The following DSCAML1 variants were observed in gnomAD, a reference collection of about 807,000 sequenced individuals.
DSCAML1 encodes cell adhesion molecule DSCAML1.
Under a neutral mutation model 200.5 loss-of-function variants are expected in DSCAML1, and 38 were observed. That is an observed-to-expected ratio of 0.19 (90% CI 0.15 to 0.25). DSCAML1 has a LOEUF of 0.25. Among genes scored for constraint, DSCAML1 ranks in the 10% least tolerant of loss-of-function variants. The pLI is 1.00. For synonymous variants in DSCAML1, 1,215 were observed against 1,165.0 expected, an observed-to-expected ratio of 1.04 and a Z score of -0.87; for missense variants, 2,223 against 2,858.8, an observed-to-expected ratio of 0.78 and a Z score of 5.07.
chr11:117,475,436 T>C (rs1260006429), intron 14 of DSCAML1, among the ~76,000 whole-genome samples: 1 of 152,168 alleles, frequency 6.6e-6, no homozygotes, highest in Non-Finnish European at 1.5e-5. Flanking sequence ...CAGCCTTATC[T>C]TTCTCTATTC....
intron 3 of DSCAML1, among the ~76,000 whole-genome samples, chr11:117,593,066 C>T (rs1043500329): frequency 1.3e-5 from 2 of 152,274 alleles, no homozygotes; most frequent in African/African-American, 4.8e-5. Context: ...GTTCCTGGCA[C>T]TTACGGGGCA....
At chr11:117,433,838 A>G (rs190321735) in intron 27 of DSCAML1, among the ~76,000 whole-genome samples, 10 of 152,326 alleles carry the variant, frequency 6.6e-5, no homozygotes, top group Admixed American at 2.0e-4. Context: ...ATCTTCAGTT[A>G]TATCTTGTGG....
chr11:117,800,300 G>A (rs965745540), upstream of DSCAML1, among the ~76,000 whole-genome samples: 5 of 152,138 alleles, frequency 3.3e-5, no homozygotes, highest in African/African-American at 7.2e-5. Flanking sequence ...TCTACCCCAC[G>A]CCCACCTTAA....
chr11:117,535,487 C>T (rs1295129300), intron 3 of DSCAML1, among the ~76,000 whole-genome samples: 1 of 152,206 alleles, frequency 6.6e-6, no homozygotes, highest in Non-Finnish European at 1.5e-5. Context: ...TAGGCAGACC[C>T]CCACTCGGGG....
At chr11:117,723,520 G>A (rs2054073577) in intron 3 of DSCAML1, among the ~76,000 whole-genome samples, 1 of 152,164 alleles carries the variant, frequency 6.6e-6, no homozygotes, top group Non-Finnish European at 1.5e-5. Context: ...CAAAAAAAGA[G>A]AGGTTTGCTC....
Position 117,450,562 on chromosome 11 carries a change from C to T in DSCAML1, c.3695G>A (p.Gly1232Glu). The T allele has an allele frequency of 6.2e-7, 1 of 1,614,058 alleles. No individual in the cohort carries two copies. Among genetic ancestry groups the T allele is most frequent in the Non-Finnish European group, 8.5e-7 (1 of 1,179,980 alleles). ...GAACTCACTTACCGGCTGGCCAGACCCGGGGCTGGAACAGAAGATGGTGTA... is the reference window on the plus strand; with the variant it reads ...GAACTCACTTACCGGCTGGCCAGACTCGGGGCTGGAACAGAAGATGGTGTA... ...RKYTIFCSSP[G>E]SGQPAPSEYE... The change falls in exon 20 of 33, where the codon GGG becomes GAG. Residue 1232 changes from glycine (G) to glutamate (E), a missense_variant. Transcript: ENST00000651296.
intron 3 of DSCAML1, among the ~76,000 whole-genome samples, chr11:117,721,211 G>A (rs756000834): frequency 1.5e-4 from 23 of 152,212 alleles, no homozygotes; most frequent in Non-Finnish European, 2.9e-4. Context: ...AACAAGTCAT[G>A]TGCTATTTCC....
At chr11:117,609,381 C>CACTGCAG (rs1240389162) in intron 3 of DSCAML1, among the ~76,000 whole-genome samples, 4 of 151,052 alleles carry the variant, frequency 2.6e-5, no homozygotes, top group African/African-American at 9.8e-5. Context: ...GATCACAGCT[C>CACTGCAG]ACTGCAGACT....
In DSCAML1 at chr11:117,428,143, G is replaced by C. The variant is rs1329653603; in HGVS notation, c.*185C>G. ...CTTTGTGCCCTGGCTTCATGGAGAA[G>C]AAGAAAATAGTTTCATTTGTACAAA... On this transcript the variant is annotated 3_prime_UTR_variant, in exon 33 of 33. Coordinates refer to ENST00000651296, the MANE Select transcript of DSCAML1 (RefSeq NM_020693.4). The C allele has an allele frequency of 3.7e-6, 2 of 535,738 alleles. No homozygotes were observed. Among genetic ancestry groups the C allele is most frequent in the African/African-American group, 4.1e-5 (2 of 49,354 alleles). 33.2% of individuals were successfully genotyped at this position (535,738 alleles called of 1,614,324 possible). A position where few individuals can be genotyped will look rare whatever the true frequency, so the allele number is the denominator to read the frequency against.
At position 117,780,466 on chromosome 11, in the gene DSCAML1, T is replaced by C; in HGVS notation, c.364+27A>G. 7.0e-7 allele frequency: 1 copy of C among 1,419,778 alleles called. No individual in the cohort carries two copies. The highest frequency in any genetic ancestry group is 9.2e-7 in the Non-Finnish European group (1 of 1,082,920). The allele number at this position is 1,419,778 out of a possible 1,614,324, so 87.9% of individuals were successfully genotyped here. Reference sequence around the variant, plus strand: ...ACGGCGCAGCCTCCTCCTGTGCCACTGGGGCAGCCAGTGTCTTGTCCCTTA... The same window carrying C: ...ACGGCGCAGCCTCCTCCTGTGCCACCGGGGCAGCCAGTGTCTTGTCCCTTA... On this transcript the variant is annotated intron_variant, in intron 2 of 32. Coordinates refer to ENST00000651296, the MANE Select transcript of DSCAML1 (RefSeq NM_020693.4). This position sits in a 1 kb window ranked among gnomAD's most constrained non-coding sequence, Gnocchi z 4.8.
chr11:117,658,861 G>A (rs2052785018), intron 3 of DSCAML1, among the ~76,000 whole-genome samples: 1 of 152,186 alleles, frequency 6.6e-6, no homozygotes, highest in Non-Finnish European at 1.5e-5. Context: ...TACGTTGCTT[G>A]AGCAAATGTT....
intron 3 of DSCAML1, among the ~76,000 whole-genome samples, chr11:117,773,838 G>A (rs1200831664): frequency 6.6e-6 from 1 of 152,162 alleles, no homozygotes; most frequent in Admixed American, 6.5e-5. Flanking sequence ...AATGATTATA[G>A]ATGGGGCTGG....
chr11:117,445,105 C>T (rs1401056348), intron 20 of DSCAML1, among the ~76,000 whole-genome samples: 3 of 152,210 alleles, frequency 2.0e-5, no homozygotes, highest in East Asian at 1.9e-4. Context: ...TGCTGAGGAA[C>T]AGACCTCCAG....
At chr11:117,439,095 C>A (rs1027824370) in intron 23 of DSCAML1, 112 bp from the exon 24 acceptor site, 11 of 1,327,770 alleles carry the variant, frequency 8.3e-6, no homozygotes, top group African/African-American at 1.5e-5. Context: ...CACTCCCACT[C>A]CCACTCCCCA....
chr11:117,678,041 A>C (rs1011642937), intron 3 of DSCAML1, among the ~76,000 whole-genome samples: 1 of 152,236 alleles, frequency 6.6e-6, no homozygotes, highest in Non-Finnish European at 1.5e-5. Flanking sequence ...CTGCATGGGG[A>C]GCAGTGCAGT....
intron 3 of DSCAML1, among the ~76,000 whole-genome samples, chr11:117,655,296 G>A (rs1164145315): frequency 6.6e-6 from 1 of 152,248 alleles, no homozygotes; most frequent in East Asian, 1.9e-4. Flanking sequence ...GAATTCTGAG[G>A]CAGCAGGCTA....
intron 3 of DSCAML1, among the ~76,000 whole-genome samples, chr11:117,700,306 G>T (rs987186361): frequency 9.9e-5 from 15 of 152,242 alleles, no homozygotes; most frequent in African/African-American, 3.4e-4. Flanking sequence ...GAGGTTCAGA[G>T]AAGTCTACTA....
intron 3 of DSCAML1, among the ~76,000 whole-genome samples, chr11:117,772,804 C>A (rs1023690113): frequency 1.3e-5 from 2 of 152,212 alleles, no homozygotes; most frequent in African/African-American, 4.8e-5. Context: ...TTACCCCAAC[C>A]CTGCCAGCCT....
Position 117,503,860 on chromosome 11 carries a change from A to C in DSCAML1, c.2344T>G (p.Phe782Val). Residue 782 changes from phenylalanine to valine, a missense_variant, in exon 11 of 33, where the codon TTC becomes GTC. Phe to Val is a conservative substitution (Grantham distance 50). Coordinates refer to ENST00000651296, the MANE Select transcript of DSCAML1 (RefSeq NM_020693.4). This position sits in a 1 kb window ranked among gnomAD's most constrained non-coding sequence, Gnocchi z 5.2. ...CAGGACTCACTCTTGACTGTGAGGAACATGGACTTGCTGATGTCGGTGCCT... is the reference window on the plus strand; with the variant it reads ...CAGGACTCACTCTTGACTGTGAGGACCATGGACTTGCTGATGTCGGTGCCT... ...GVGTDISKSM[F>V]LTVKIPAMIT... The C allele has an allele frequency of 6.2e-7, 1 of 1,614,012 alleles. No individual in the cohort carries two copies. Among genetic ancestry groups the C allele is most frequent in the Non-Finnish European group, 8.5e-7 (1 of 1,179,976 alleles).
Sources: allele counts gnomAD v4.1 joint callset (sites outside exome capture counted in the v4.1 genomes callset), GRCh38; gene constraint gnomAD v4.1.1; non-coding constraint Gnocchi (gnomAD v3.1); transcripts MANE v1.5; gene names NCBI Gene and HGNC (gene_info 2026-07-23, HGNC 2026-07-21).